The following LGI1 variants were observed in gnomAD, a reference collection of about 807,000 sequenced individuals.
The protein encoded by LGI1 is leucine rich glioma inactivated 1.
Under a neutral mutation model 57.7 loss-of-function variants are expected in LGI1, and 11 were observed. The observed-to-expected ratio is 0.19, with a 90% CI of 0.12 to 0.32. The LOEUF is 0.32. LGI1 is among the 10% of genes least tolerant of loss of function. LGI1 has a pLI of 1.00. For missense variants in LGI1, 422 were observed against 661.9 expected (o/e 0.64, Z 3.98); for synonymous variants, 222 against 241.9 (o/e 0.92, Z 0.76).
At position 93,797,638 on chromosome 10, in the gene LGI1, C is replaced by T. The variant is rs1486350337; in HGVS notation, c.1509C>T (p.Asn503=). ...ATTACTCCTTTACTCAAGTGTATAA[C>T]TGGGATGCAGAGAAAGCCAAATTTG... ...GSDYSFTQVY[N]WDAEKAKFVK... The change falls in exon 8 of 8, where the codon AAC becomes AAT. Residue 503 remains asparagine, a synonymous_variant. Transcript: ENST00000371418. The surrounding 1 kb of genome is among the most constrained non-coding windows in gnomAD (Gnocchi z 6.5). 1.2e-6 allele frequency: 2 copies of T among 1,613,968 alleles called. No homozygotes were observed. Among genetic ancestry groups the T allele is most frequent in the East Asian group, 2.2e-5 (1 of 44,898 alleles).
chr10:93,794,563 C>T (rs957385510), intron 7 of LGI1: 6 of 152,138 alleles, frequency 3.9e-5, no homozygotes, highest in African/African-American at 1.4e-4. Context: ...TGGGGTTTCA[C>T]CAAGTTGGTC....
intron 5 of LGI1, chr10:93,792,123 T>C (rs574519708): frequency 5.3e-5 from 8 of 152,330 alleles, no homozygotes; most frequent in East Asian, 1.9e-4. Flanking sequence ...AGCTCAATTA[T>C]TGGAAAATGT....
chr10:93,788,171 C>G (rs2059905798), intron 4 of LGI1, among the ~76,000 whole-genome samples: 1 of 152,214 alleles, frequency 6.6e-6, no homozygotes, highest in Admixed American at 6.5e-5. Context: ...AGACACATAA[C>G]ATGGGAGTGA....
intron 6 of LGI1, 60 bp downstream of exon 6, chr10:93,792,972 C>T: frequency 6.7e-7 from 1 of 1,493,516 alleles, no homozygotes; most frequent in Non-Finnish European, 9.3e-7. Context: ...CTTTTTTTTT[C>T]ATGTGCAGGA....
At chr10:93,784,818 GTGACACTCTCTCTAGTCA>G (rs1564848224) in intron 4 of LGI1, among the ~76,000 whole-genome samples, 1 of 152,042 alleles carries the variant, frequency 6.6e-6, no homozygotes, top group African/African-American at 2.4e-5. Context: ...CTCTCAAGTC[GTGACACTCTCTCTAGTCA>G]TGACACTCTA....
chr10:93,779,900 C>A (rs2059831509), intron 4 of LGI1, among the ~76,000 whole-genome samples: 1 of 152,176 alleles, frequency 6.6e-6, no homozygotes, highest in Non-Finnish European at 1.5e-5. Flanking sequence ...ATGAATATGA[C>A]CCTTAGGTCT....
intron 5 of LGI1, 102 bp from the exon 6 acceptor site, chr10:93,792,641 G>T (rs1319826970): frequency 1.6e-6 from 2 of 1,237,554 alleles, no homozygotes; most frequent in East Asian, 2.3e-5. Context: ...AGGATGCAAC[G>T]CCGGGTAAGG....
At chr10:93,760,085 T>C (rs1286901946) in intron 2 of LGI1, among the ~76,000 whole-genome samples, 1 of 152,270 alleles carries the variant, frequency 6.6e-6, no homozygotes, top group Admixed American at 6.5e-5. Flanking sequence ...TATTGTTTTG[T>C]GTATATGAAA....
At chr10:93,767,593 G>A (rs1170081142) in intron 2 of LGI1, 4 of 152,168 alleles carry the variant, frequency 2.6e-5, no homozygotes, top group African/African-American at 7.2e-5. Flanking sequence ...AGAGAGGTTG[G>A]ATAGCAAAGG....
intron 4 of LGI1, chr10:93,783,101 GGT>G (rs2059860854): frequency 6.6e-6 from 1 of 152,316 alleles, no homozygotes; most frequent in Non-Finnish European, 1.5e-5. Context: ...TTTCTGGCCA[GGT>G]GCGGTGGCTC....
chr10:93,794,578 T>C (rs564484393), intron 7 of LGI1: 3 of 152,190 alleles, frequency 2.0e-5, no homozygotes, highest in Admixed American at 6.5e-5. Flanking sequence ...TTGGTCAGGC[T>C]GGTTTCGAAT....
chr10:93,777,015 T>C (rs772882569), intron 2 of LGI1: 4 of 355,954 alleles, frequency 1.1e-5, no homozygotes, highest in Non-Finnish European at 1.6e-5. Context: ...GTTAGAACAC[T>C]CCAGAGGTTT....
At chr10:93,771,436 A>T (rs1023067873) in intron 2 of LGI1, 1 of 152,108 alleles carries the variant, frequency 6.6e-6, no homozygotes, top group African/African-American at 2.4e-5. Flanking sequence ...CAAATACCGC[A>T]TGTTTTCACT....
chr10:93,792,962 C>CT (rs751606408), intron 6 of LGI1, 50 bp downstream of exon 6: 1,054 of 1,530,664 alleles, frequency 6.9e-4, no homozygotes, highest in East Asian at 1.9e-3. Flanking sequence ...TAAGGGCTAC[C>CT]TTTTTTTTTC....
chr10:93,777,439 T>G lies in LGI1; in HGVS notation c.348T>G (p.His116Gln). Residue 116 changes from histidine to glutamine, a missense_variant, in exon 3 of 8, where the codon CAT (histidine) becomes CAG (glutamine). His to Gln is a conservative substitution (Grantham distance 24). This residue lies in a region of LGI1 where 63 missense variants were observed against 138.4 expected (regional missense o/e 0.46). Transcript: ENST00000371418. ...ISDDAFIGLP[H>Q]LEYLFIENNN... ...ATGATGCTTTTATTGGTCTTCCACATCTAGAGTATTTGTAAGTAAAAAAGC... is the reference window on the plus strand; with the variant it reads ...ATGATGCTTTTATTGGTCTTCCACAGCTAGAGTATTTGTAAGTAAAAAAGC... 1 of 1,613,980 alleles carries G rather than the reference T, an allele frequency of 6.2e-7. No homozygotes were observed. The highest frequency in any genetic ancestry group is 8.5e-7 in the Non-Finnish European group (1 of 1,179,892).
chr10:93,796,905 G>A (rs1050289026), intron 7 of LGI1, 63 bp from the exon 8 acceptor site: 10 of 1,322,108 alleles, frequency 7.6e-6, no homozygotes, highest in South Asian at 2.4e-5. Flanking sequence ...GCCCCAGCCC[G>A]CATGTTTACA....
At chr10:93,760,636 T>C (rs1165126559) in intron 2 of LGI1, among the ~76,000 whole-genome samples, 2 of 152,164 alleles carry the variant, frequency 1.3e-5, no homozygotes, top group Admixed American at 6.5e-5. Flanking sequence ...TTTTGTTGGG[T>C]GGACCCAGTC....
At chr10:93,781,694 A>G (rs2059849211) in intron 4 of LGI1, among the ~76,000 whole-genome samples, 1 of 152,242 alleles carries the variant, frequency 6.6e-6, no homozygotes, top group South Asian at 2.1e-4. Flanking sequence ...ATAAAAAATT[A>G]GTTTATGAAT....
At chr10:93,792,652 T>C (rs1243743677) in intron 5 of LGI1, 91 bp from the exon 6 acceptor site, 5 of 1,335,412 alleles carry the variant, frequency 3.7e-6, no homozygotes, top group Admixed American at 3.4e-5. Context: ...CCGGGTAAGG[T>C]CATTCTGCAC....
Sources: gnomAD v4.1 joint callset for allele counts (sites outside exome capture counted in the v4.1 genomes callset) on GRCh38, gnomAD v4.1.1 for gene constraint, gnomAD v4.1.1 regional missense constraint, Gnocchi (gnomAD v3.1) non-coding constraint, MANE v1.5 for transcripts, NCBI Gene and HGNC (gene_info 2026-07-23, HGNC 2026-07-21) for gene names.